Variants in ELOVL6 observed in about 807,000 individuals in gnomAD.
The protein encoded by ELOVL6 is very long chain fatty acid elongase 6.
A neutral mutation model predicts 31.7 loss-of-function variants in ELOVL6; 8 were observed. The ratio of observed to expected loss-of-function variants is 0.25; its 90% CI spans 0.15 to 0.45. The LOEUF (loss-of-function observed/expected upper bound fraction) is 0.45. Among genes scored for constraint, ELOVL6 ranks in the 20% least tolerant of loss-of-function variants. ELOVL6 has a pLI of 1.00. For synonymous variants in ELOVL6, 101 were observed against 117.7 expected, an observed-to-expected ratio of 0.86 and a Z score of 0.92; for missense variants, 126 against 326.4, an observed-to-expected ratio of 0.39 and a Z score of 4.73.
intron 2 of ELOVL6, among the ~76,000 whole-genome samples, chr4:110,081,091 G>A (rs1755830033): frequency 6.6e-6 from 1 of 152,174 alleles, no homozygotes; most frequent in African/African-American, 2.4e-5. Context: ...TGAAATAAAA[G>A]AGGATACAGA....
chr4:110,074,499 G>A (rs1324646770), intron 2 of ELOVL6, among the ~76,000 whole-genome samples: 1 of 152,106 alleles, frequency 6.6e-6, no homozygotes, highest in East Asian at 1.9e-4. Context: ...GGTAAGGAAG[G>A]AGGGACCTGA....
intron 2 of ELOVL6, among the ~76,000 whole-genome samples, chr4:110,083,854 T>G (rs1328491264): frequency 1.3e-5 from 2 of 148,186 alleles, no homozygotes; most frequent in Non-Finnish European, 3.0e-5. Flanking sequence ...CTGCTTAGAC[T>G]CCCTGAGATG....
At chr4:110,094,446 A>ATAT (rs1756520641) in intron 2 of ELOVL6, among the ~76,000 whole-genome samples, 1 of 13,598 alleles carries the variant, frequency 7.4e-5, no homozygotes, top group African/African-American at 2.0e-4. Flanking sequence ...TATATATAAT[A>ATAT]TATATAACAT....
intron 1 of ELOVL6, among the ~76,000 whole-genome samples, chr4:110,162,949 T>C (rs1169050148): frequency 6.6e-6 from 1 of 152,160 alleles, no homozygotes; most frequent in Non-Finnish European, 1.5e-5. Context: ...TAGTCAGTGG[T>C]GCAGCTGGGG....
At chr4:110,084,563 G>GAT (rs1553956219) in intron 2 of ELOVL6, among the ~76,000 whole-genome samples, 2,929 of 44,380 alleles carry the variant, frequency 0.066, 150 homozygotes, top group Non-Finnish European at 0.08. Flanking sequence ...CACACACACA[G>GAT]ATATATATAT....
At chr4:110,141,273 G>C (rs1323513857) in intron 1 of ELOVL6, among the ~76,000 whole-genome samples, 1 of 152,090 alleles carries the variant, frequency 6.6e-6, no homozygotes, top group Non-Finnish European at 1.5e-5. Context: ...ATGTTGGTCA[G>C]GCTGGTCTCA....
chr4:110,123,384 C>T (rs1042698750), intron 1 of ELOVL6, among the ~76,000 whole-genome samples: 7 of 152,066 alleles, frequency 4.6e-5, no homozygotes. Context: ...AATTGAGTGC[C>T]AACTGTGTGC....
chr4:110,107,197 C>A (rs1244128537), intron 1 of ELOVL6, among the ~76,000 whole-genome samples: 1 of 152,146 alleles, frequency 6.6e-6, no homozygotes, highest in African/African-American at 2.4e-5. Flanking sequence ...ATGCAAGTGA[C>A]CTACTTAGTG....
chr4:110,153,283 A>G (rs748000672), intron 1 of ELOVL6, among the ~76,000 whole-genome samples: 2 of 152,254 alleles, frequency 1.3e-5, no homozygotes, highest in Non-Finnish European at 2.9e-5. Context: ...GAAAGTAGGT[A>G]GCTTCCATAA....
intron 2 of ELOVL6, among the ~76,000 whole-genome samples, chr4:110,070,871 T>C (rs1755457935): frequency 6.6e-6 from 1 of 151,328 alleles, no homozygotes; most frequent in East Asian, 2.0e-4. Context: ...TTGAGTCAAT[T>C]AAACCTCTTT....
chr4:110,183,146 C>T (rs957062254), intron 1 of ELOVL6, among the ~76,000 whole-genome samples: 7 of 152,120 alleles, frequency 4.6e-5, no homozygotes, highest in African/African-American at 1.4e-4. Context: ...AAAAAACACC[C>T]AAAATATGTT....
chr4:110,136,484 C>G (rs6533496), intron 1 of ELOVL6, among the ~76,000 whole-genome samples: 18,115 of 152,170 alleles, frequency 0.12, 1,845 homozygotes, highest in African/African-American at 0.28. Flanking sequence ...ACTTGACTGA[C>G]AGATACAATC....
At chr4:110,151,263 A>G (rs1578263275) in intron 1 of ELOVL6, among the ~76,000 whole-genome samples, 1 of 151,786 alleles carries the variant, frequency 6.6e-6, no homozygotes, top group East Asian at 1.9e-4. Flanking sequence ...ACATAATGAG[A>G]TATCTTAGGG....
intron 1 of ELOVL6, among the ~76,000 whole-genome samples, chr4:110,107,125 CA>C (rs1756911212): frequency 6.6e-6 from 1 of 152,178 alleles, no homozygotes; most frequent in African/African-American, 2.4e-5. Flanking sequence ...TTTATGCTGA[CA>C]TGTAATGCTG....
chr4:110,141,093 C>T (rs536543541), intron 1 of ELOVL6, among the ~76,000 whole-genome samples: 9 of 151,954 alleles, frequency 5.9e-5, no homozygotes, highest in East Asian at 3.9e-4. Context: ...GATGGAGTTT[C>T]GTTCTTGTTG....
chr4:110,052,829 T>A (rs1754869703), intron 3 of ELOVL6, among the ~76,000 whole-genome samples: 1 of 152,260 alleles, frequency 6.6e-6, no homozygotes, highest in African/African-American at 2.4e-5. Context: ...TGAATGCGTC[T>A]TTCTCCTTCC....
chr4:110,196,989 T>A (rs1034082401), intron 1 of ELOVL6, among the ~76,000 whole-genome samples: 2 of 152,130 alleles, frequency 1.3e-5, no homozygotes, highest in Admixed American at 1.3e-4. Context: ...TGCGGCCCCG[T>A]GGCACCAGCT....
chr4:110,073,336 G>A (rs1578455082), intron 2 of ELOVL6, among the ~76,000 whole-genome samples: 1 of 152,126 alleles, frequency 6.6e-6, no homozygotes, highest in East Asian at 1.9e-4. Context: ...CTCAGGGTAG[G>A]AAAAACATAA....
At chr4:110,064,837 T>C (rs964706515) in intron 2 of ELOVL6, among the ~76,000 whole-genome samples, 4 of 152,208 alleles carry the variant, frequency 2.6e-5, no homozygotes, top group African/African-American at 9.6e-5. Context: ...CTGGCCACAA[T>C]TGATGCAATC....
Sources: gnomAD v4.1 joint callset for allele counts (sites outside exome capture counted in the v4.1 genomes callset) on GRCh38, gnomAD v4.1.1 for gene constraint, MANE v1.5 for transcripts, NCBI Gene and HGNC (gene_info 2026-07-23, HGNC 2026-07-21) for gene names.